Variants in ZNF493 observed in about 807,000 individuals in gnomAD.
The protein encoded by ZNF493 is zinc finger protein 493.
A neutral mutation model predicts 12.2 loss-of-function variants in ZNF493; 11 were observed. That is an observed-to-expected ratio of 0.90 (90% confidence interval 0.57 to 1.50). The LOEUF (loss-of-function observed/expected upper bound fraction) is 1.50. Among genes scored for constraint, ZNF493 ranks in the 40% most tolerant of loss-of-function variants. The probability of loss-of-function intolerance (pLI) is 0.00; values close to 1 mark genes in which losing one functional copy is unlikely to be tolerated. For missense variants in ZNF493, 950 were observed against 906.6 expected (o/e 1.05, Z -0.61); for synonymous variants, 286 against 302.6 (o/e 0.95, Z 0.57).
intron 3 of ZNF493, chr19:21,412,418 G>A (rs2030354318): frequency 6.6e-6 from 1 of 152,554 alleles, no homozygotes; most frequent in Admixed American, 6.5e-5. Context: ...CAGCCTTCCA[G>A]CATGGGTGTT....
chr19:21,405,222 A>G lies in ZNF493; in HGVS notation c.124A>G (p.Met42Val). Residue 42 changes from methionine to valine, a missense_variant, in exon 2 of 4, where the codon ATG becomes GTG. Physicochemically the swap from Met to Val is conservative, Grantham distance 21 (BLOSUM62 1). Transcript: ENST00000392288. Reference protein sequence around the residue: ...TAQQDLYRKVMLENYRNLVFL... With the variant: ...TAQQDLYRKVVLENYRNLVFL... ...TCAGCAGGATTTGTATAGGAAAGTG[A>G]TGTTAGAGAACTACAGAAACCTGGT... The G allele has an allele frequency of 1.2e-6, 2 of 1,613,988 alleles. No homozygotes were observed. Among genetic ancestry groups the G allele is most frequent in the East Asian group, 2.2e-5 (1 of 44,870 alleles).
intron 1 of ZNF493, among the ~76,000 whole-genome samples, chr19:21,404,592 G>A (rs2030052905): frequency 1.3e-5 from 2 of 152,132 alleles, no homozygotes; most frequent in East Asian, 3.9e-4. Context: ...CAGAAAAATT[G>A]AGTAAAACAC....
At chr19:21,415,449 C>G (rs1460042921) in intron 3 of ZNF493, among the ~76,000 whole-genome samples, 1 of 152,116 alleles carries the variant, frequency 6.6e-6, no homozygotes, top group Non-Finnish European at 1.5e-5. Context: ...TTGTTCCTTT[C>G]TGTGGCACAA....
chr19:21,406,636 A>G (rs1025946030), intron 3 of ZNF493, among the ~76,000 whole-genome samples: 7 of 151,922 alleles, frequency 4.6e-5, no homozygotes, highest in African/African-American at 7.3e-5. Flanking sequence ...TCTCTGTTCT[A>G]TTGGTTTTTA....
chr19:21,398,980 G>C lies in ZNF493; in HGVS notation c.30+1713G>C, dbSNP rs1000125386. On this transcript the variant is annotated intron_variant, in intron 1 of 3. Coordinates refer to ENST00000392288, the MANE Select transcript of ZNF493 (RefSeq NM_001076678.3). ...ACAAAACTGACTCCAGTGAGATGGTGTAAGAGCTTGCAAAGTAAAACGCAA... is the reference window on the plus strand; with the variant it reads ...ACAAAACTGACTCCAGTGAGATGGTCTAAGAGCTTGCAAAGTAAAACGCAA... 3 of 156,208 alleles carry C rather than the reference G, an allele frequency of 1.9e-5. No homozygotes were observed. In the Admixed American group the frequency reaches 1.9e-4, roughly 10 times the overall value. The allele number at this position is 156,208 out of a possible 1,614,324, so 9.7% of individuals were successfully genotyped here. A position where few individuals can be genotyped will look rare whatever the true frequency, so the allele number is the denominator to read the frequency against.
chr19:21,407,980 T>TC (rs1200126570), intron 3 of ZNF493: 3 of 985,220 alleles, frequency 3.0e-6, no homozygotes, highest in Non-Finnish European at 2.4e-6. Context: ...TTTCTTGTGT[T>TC]CCCCAGGGTT....
At position 21,424,817 on chromosome 19, in the gene ZNF493, A is replaced by T; in HGVS notation, c.2158A>T (p.Lys720Ter). The T allele has an allele frequency of 6.2e-7, 1 of 1,613,620 alleles. No individual in the cohort carries two copies. The highest frequency in any genetic ancestry group is 8.5e-7 in the Non-Finnish European group (1 of 1,179,722). Residue 720 changes from lysine (K) to a stop codon, truncating the protein, a stop_gained, in exon 4 of 4, where the codon AAA (lysine) becomes TAA (stop). Transcript: ENST00000392288. LOFTEE classifies it low-confidence loss of function (END_TRUNC). ...EKPCKCEECG[K>*]AFNHSSNLIK... Reference sequence around the variant, plus strand: ...ACCTTGCAAATGTGAAGAATGTGGCAAAGCTTTTAACCATTCCTCAAACCT... The same window carrying T: ...ACCTTGCAAATGTGAAGAATGTGGCTAAGCTTTTAACCATTCCTCAAACCT...
chr19:21,421,508 G>A (rs566141371), intron 3 of ZNF493, among the ~76,000 whole-genome samples: 2 of 152,144 alleles, frequency 1.3e-5, no homozygotes, highest in South Asian at 2.1e-4. Flanking sequence ...TGGGATTACA[G>A]GTGCCTGCCA....
Position 21,424,257 on chromosome 19 carries a change from C to A in ZNF493, c.1598C>A (p.Thr533Asn), listed in dbSNP as rs754705260. ...GCTTTTAAACGATCTTCAACCCTTA[C>A]TATACATAAAATGATTCACACTGGA... ...GKAFKRSSTL[T>N]IHKMIHTGEK... Residue 533 changes from threonine to asparagine, a missense_variant, in exon 4 of 4, where the codon ACT becomes AAT. Physicochemically the swap from Thr to Asn is moderately conservative, Grantham distance 65 (BLOSUM62 0). Transcript: ENST00000392288. 2 of 1,610,574 alleles carry A rather than the reference C, an allele frequency of 1.2e-6. No individual in the cohort carries two copies. The highest frequency in any genetic ancestry group is 3.4e-5 in the Admixed American group (2 of 59,700).
At chr19:21,416,814 T>C (rs1194994750) in intron 3 of ZNF493, among the ~76,000 whole-genome samples, 1 of 152,218 alleles carries the variant, frequency 6.6e-6, no homozygotes, top group Non-Finnish European at 1.5e-5. Flanking sequence ...CATTGTAGTC[T>C]TGAATCAGTG....
Position 21,424,302 on chromosome 19 carries a change from A to G in ZNF493, c.1643A>G (p.Glu548Gly), listed in dbSNP as rs749449706. Residue 548 changes from glutamate (E) to glycine (G), a missense_variant, in exon 4 of 4, where the codon GAA becomes GGA. Transcript: ENST00000392288. ...ACTGGAGAAAAACCCTACAAATGTGAAGAATGTGGCAAAGCTTTTAATCGG... is the reference window on the plus strand; with the variant it reads ...ACTGGAGAAAAACCCTACAAATGTGGAGAATGTGGCAAAGCTTTTAATCGG... ...IHTGEKPYKC[E>G]ECGKAFNRSS... 1 of 1,613,624 alleles carries G rather than the reference A, an allele frequency of 6.2e-7. No individual in the cohort carries two copies. Among genetic ancestry groups the G allele is most frequent in the Non-Finnish European group, 8.5e-7 (1 of 1,179,790 alleles).
At chr19:21,419,911 C>T (rs371114997) in intron 3 of ZNF493, among the ~76,000 whole-genome samples, 2 of 152,104 alleles carry the variant, frequency 1.3e-5, no homozygotes, top group Admixed American at 6.5e-5. Context: ...TCCCTCTCCC[C>T]ACTTTGGTGC....
intron 3 of ZNF493, chr19:21,412,821 T>C: frequency 3.0e-6 from 1 of 328,772 alleles, no homozygotes; most frequent in Non-Finnish European, 5.8e-6. Flanking sequence ...TAGAGTGTCT[T>C]TCTAGATGCT....
intron 1 of ZNF493, among the ~76,000 whole-genome samples, chr19:21,400,437 T>A (rs1255779134): frequency 6.6e-6 from 1 of 152,058 alleles, no homozygotes; most frequent in African/African-American, 2.4e-5. Context: ...ACCTTAAAAT[T>A]TTTTTTCCCG....
At chr19:21,401,599 G>A (rs2029945630) in intron 1 of ZNF493, among the ~76,000 whole-genome samples, 1 of 151,586 alleles carries the variant, frequency 6.6e-6, no homozygotes, top group East Asian at 1.9e-4. Context: ...TATTTTTGGT[G>A]GGCAGGCTAT....
Position 21,424,492 on chromosome 19 carries a change from C to T in ZNF493, c.1833C>T (p.Asn611=). Residue 611 remains asparagine, a synonymous_variant, in exon 4 of 4, where the codon AAC becomes AAT. Transcript: ENST00000392288. ...GTGAAGAATGTGGCAAAGCTTTTAA[C>T]CGATCTTCAATCCTTAGTATACATA... ...YKCEECGKAF[N]RSSILSIHKK... 6.2e-7 allele frequency: 1 copy of T among 1,610,102 alleles called. No homozygotes were observed. The highest frequency in any genetic ancestry group is 8.5e-7 in the Non-Finnish European group (1 of 1,178,812).
intron 3 of ZNF493, chr19:21,407,697 A>G (rs2030179649): frequency 1.0e-6 from 1 of 971,980 alleles, no homozygotes; most frequent in Admixed American, 6.2e-5. Context: ...TACTGACTGT[A>G]TTATTAGTTT....
Position 21,423,966 on chromosome 19 carries a change from A to G in ZNF493, c.1307A>G (p.Glu436Gly), listed in dbSNP as rs2145312634. The G allele has an allele frequency of 6.2e-7, 1 of 1,613,650 alleles. No individual in the cohort carries two copies. The highest frequency in any genetic ancestry group is 2.2e-5 in the East Asian group (1 of 44,824). ...IHTGEKPYKC[E>G]ECGKTFSVFS... is the part of the protein sequence containing the mutation. ...ACTGGAGAGAAACCCTACAAATGTG[A>G]AGAATGTGGCAAAACCTTTAGTGTA... Residue 436 changes from glutamate to glycine, a missense_variant, in exon 4 of 4, where the codon GAA becomes GGA. Transcript: ENST00000392288.
chr19:21,420,315 T>C (rs1053487783), intron 3 of ZNF493, among the ~76,000 whole-genome samples: 2 of 151,980 alleles, frequency 1.3e-5, no homozygotes, highest in African/African-American at 4.8e-5. Flanking sequence ...CTTTTACTTC[T>C]TCCTTATTTT....
Sources: allele counts gnomAD v4.1 joint callset (sites outside exome capture counted in the v4.1 genomes callset), GRCh38; gene constraint gnomAD v4.1.1; transcripts MANE v1.5; gene names NCBI Gene and HGNC (gene_info 2026-07-23, HGNC 2026-07-21).